ROR1: variants seen among roughly 807,000 people sequenced by gnomAD.
ROR1 encodes inactive tyrosine-protein kinase transmembrane receptor ROR1.
ROR1 carries 19 observed loss-of-function variants against 78.8 expected under a neutral mutation model. That is an observed-to-expected ratio of 0.24 (90% confidence interval 0.17 to 0.35). The LOEUF (loss-of-function observed/expected upper bound fraction) is 0.35. Among genes scored for constraint, ROR1 ranks in the 10% least tolerant of loss-of-function variants. The pLI, the probability that ROR1 is intolerant of heterozygous loss-of-function variation, is 1.00. For missense variants in ROR1, 917 were observed against 1,177.8 expected, an observed-to-expected ratio of 0.78 and a Z score of 3.24; for synonymous variants, 386 against 433.6, an observed-to-expected ratio of 0.89 and a Z score of 1.36.
intron 2 of ROR1, among the ~76,000 whole-genome samples, chr1:64,015,753 T>A (rs756952808): frequency 4.6e-5 from 7 of 152,144 alleles, no homozygotes; most frequent in Non-Finnish European, 8.8e-5. Context: ...TTATCCATCC[T>A]TGTGTTCCAG....
chr1:64,012,365 G>T (rs930372512), intron 2 of ROR1, among the ~76,000 whole-genome samples: 1 of 152,188 alleles, frequency 6.6e-6, no homozygotes, highest in African/African-American at 2.4e-5. Flanking sequence ...CAAAACCTCA[G>T]CCTGTACTAC....
chr1:63,802,671 T>C (rs999566560), intron 1 of ROR1, among the ~76,000 whole-genome samples: 9 of 152,216 alleles, frequency 5.9e-5, no homozygotes, highest in Non-Finnish European at 1.2e-4. Flanking sequence ...GAGACTTTGA[T>C]TTTATTTAGA....
intron 4 of ROR1, among the ~76,000 whole-genome samples, chr1:64,053,281 C>T (rs1447583004): frequency 6.6e-6 from 1 of 152,132 alleles, no homozygotes; most frequent in Non-Finnish European, 1.5e-5. Flanking sequence ...GAGCTGAGGT[C>T]CACTGAGGCA....
chr1:63,958,580 C>A (rs986510793), intron 1 of ROR1, among the ~76,000 whole-genome samples: 5 of 152,132 alleles, frequency 3.3e-5, no homozygotes, highest in African/African-American at 1.2e-4. Context: ...TAGGATAAAT[C>A]CTGAATATGG....
In ROR1 at chr1:64,177,653, C is replaced by G; in HGVS notation, c.1612C>G (p.Leu538Val). The change falls in exon 9 of 9, where the codon CTT (leucine) becomes GTT (valine). Residue 538 changes from leucine (L) to valine (V), a missense_variant. By Grantham distance (32) the Leu-to-Val change is conservative (BLOSUM62 1). Around this residue, in one of 3 missense-constraint regions of ROR1, gnomAD observed 835 missense variants for 1,069.8 expected, o/e 0.78. Transcript: ENST00000371079. ...AELHHPNIVC[L>V]LGAVTQEQPV... The stretch of plus-strand genomic sequence containing the variant: ...ACTGCACCACCCCAATATTGTCTGC[C>G]TTCTAGGTGCCGTCACTCAGGAACA... 6.2e-7 allele frequency: 1 copy of G among 1,614,194 alleles called. No individual in the cohort carries two copies. The highest frequency in any genetic ancestry group is 8.5e-7 in the Non-Finnish European group (1 of 1,180,040).
intron 2 of ROR1, among the ~76,000 whole-genome samples, chr1:64,041,641 A>C (rs1488577983): frequency 6.6e-6 from 1 of 152,178 alleles, no homozygotes; most frequent in East Asian, 1.9e-4. Flanking sequence ...TTCTCTCCCC[A>C]AAAAGGAGGC....
intron 1 of ROR1, among the ~76,000 whole-genome samples, chr1:63,963,421 T>C (rs977245084): frequency 1.3e-5 from 2 of 151,662 alleles, no homozygotes; most frequent in Admixed American, 6.6e-5. Context: ...ATACAAAAAT[T>C]AGCCAGGCAT....
chr1:63,895,835 A>G (rs991439612), intron 1 of ROR1, among the ~76,000 whole-genome samples: 2 of 151,850 alleles, frequency 1.3e-5, no homozygotes, highest in African/African-American at 4.8e-5. Flanking sequence ...TTTTCTTTCT[A>G]TTTTGTCTTG....
chr1:64,163,001 C>A (rs1226927381), intron 8 of ROR1, among the ~76,000 whole-genome samples: 1 of 152,066 alleles, frequency 6.6e-6, no homozygotes, highest in East Asian at 1.9e-4. Flanking sequence ...GGGGCAGAGT[C>A]TCCCCTTCAA....
chr1:64,015,195 A>G (rs1646510894), intron 2 of ROR1, among the ~76,000 whole-genome samples: 1 of 152,122 alleles, frequency 6.6e-6, no homozygotes, highest in African/African-American at 2.4e-5. Flanking sequence ...ACCTGCCCCC[A>G]TAGTTCAATC....
chr1:63,971,584 A>C (rs1646120271), intron 1 of ROR1, among the ~76,000 whole-genome samples: 1 of 152,228 alleles, frequency 6.6e-6, no homozygotes, highest in Admixed American at 6.5e-5. Flanking sequence ...ACTCAGAAAG[A>C]TAAAAATAAA....
chr1:64,091,000 G>A (rs1427831993), intron 4 of ROR1, among the ~76,000 whole-genome samples: 3 of 151,974 alleles, frequency 2.0e-5, no homozygotes, highest in Non-Finnish European at 4.4e-5. Flanking sequence ...ATTGTTATCA[G>A]CCTCTCTTGA....
chr1:63,796,209 G>A (rs548514122), intron 1 of ROR1, among the ~76,000 whole-genome samples: 1 of 152,210 alleles, frequency 6.6e-6, no homozygotes, highest in South Asian at 2.1e-4. Context: ...AAGAGCTCTG[G>A]ACTGAAAGTC....
At chr1:64,017,676 AG>A (rs1206361766) in intron 2 of ROR1, among the ~76,000 whole-genome samples, 5 of 152,000 alleles carry the variant, frequency 3.3e-5, no homozygotes, top group African/African-American at 1.2e-4. Flanking sequence ...CTGTGCTGTT[AG>A]GGGGGCATTC....
At chr1:63,833,933 T>C (rs530016519) in intron 1 of ROR1, among the ~76,000 whole-genome samples, 2 of 152,044 alleles carry the variant, frequency 1.3e-5, no homozygotes, top group Admixed American at 6.5e-5. Context: ...TTAGGAATAG[T>C]GAAATTACAT....
intron 1 of ROR1, among the ~76,000 whole-genome samples, chr1:63,972,949 A>G (rs1215460440): frequency 1.3e-5 from 2 of 152,258 alleles, no homozygotes; most frequent in Admixed American, 6.5e-5. Flanking sequence ...GGTTACCACT[A>G]ACCTCCTTGA....
chr1:63,934,712 T>C (rs527419624), intron 1 of ROR1, among the ~76,000 whole-genome samples: 5 of 152,184 alleles, frequency 3.3e-5, no homozygotes, highest in African/African-American at 9.7e-5. Flanking sequence ...AAAAAGTATA[T>C]TTTACAATTT....
At chr1:64,010,856 G>T (rs1646469706) in intron 2 of ROR1, among the ~76,000 whole-genome samples, 1 of 152,154 alleles carries the variant, frequency 6.6e-6, no homozygotes, top group South Asian at 2.1e-4. Context: ...GCCCTGTGAA[G>T]AGGTGCCTTC....
chr1:64,093,388 G>C (rs1647220692), intron 4 of ROR1, among the ~76,000 whole-genome samples: 1 of 152,158 alleles, frequency 6.6e-6, no homozygotes, highest in Non-Finnish European at 1.5e-5. Flanking sequence ...AGAAAGACTT[G>C]AGAGAGCATC....
Sources: allele counts gnomAD v4.1 joint callset (sites outside exome capture counted in the v4.1 genomes callset), GRCh38; gene constraint gnomAD v4.1.1; regional missense constraint gnomAD v4.1.1; transcripts MANE v1.5; gene names NCBI Gene and HGNC (gene_info 2026-07-23, HGNC 2026-07-21).